The following PPM1L variants were observed in gnomAD, a reference collection of about 807,000 sequenced individuals.
PPM1L encodes the protein protein phosphatase 1L.
A neutral mutation model predicts 31.4 loss-of-function variants in PPM1L; 13 were observed. The observed-to-expected ratio is 0.41, with a 90% CI of 0.27 to 0.66. The LOEUF (loss-of-function observed/expected upper bound fraction) is 0.66. PPM1L is among the 30% of genes least tolerant of loss of function. The pLI is 0.29. For missense variants in PPM1L, 326 were observed against 453.7 expected (o/e 0.72, Z 2.56); for synonymous variants, 184 against 175.4 (o/e 1.05, Z -0.39).
chr3:161,049,077 T>TAA (rs199940685), intron 2 of PPM1L, among the ~76,000 whole-genome samples: 56 of 141,038 alleles, frequency 4.0e-4, no homozygotes, highest in Middle Eastern at 3.6e-3. Context: ...CTTAAAGTAT[T>TAA]AAAAAAAAAA....
At chr3:160,763,114 C>G (rs908057654) in intron 1 of PPM1L, among the ~76,000 whole-genome samples, 1 of 152,152 alleles carries the variant, frequency 6.6e-6, no homozygotes, top group African/African-American at 2.4e-5. Flanking sequence ...TTCCTCTATC[C>G]TCCTCCCCTT....
intron 1 of PPM1L, among the ~76,000 whole-genome samples, chr3:160,890,728 A>G (rs994568455): frequency 6.6e-6 from 1 of 152,216 alleles, no homozygotes; most frequent in African/African-American, 2.4e-5. Flanking sequence ...TTCAAATTAT[A>G]CTACAAGACT....
At chr3:160,807,402 C>T (rs1313676859) in intron 1 of PPM1L, among the ~76,000 whole-genome samples, 1 of 152,148 alleles carries the variant, frequency 6.6e-6, no homozygotes, top group Admixed American at 6.5e-5. Context: ...GCACCATTTC[C>T]TACCTTGCTA....
At chr3:160,843,760 A>G (rs2108107217) in intron 1 of PPM1L, among the ~76,000 whole-genome samples, 1 of 151,896 alleles carries the variant, frequency 6.6e-6, no homozygotes, top group East Asian at 1.9e-4. Flanking sequence ...ATACCATTTG[A>G]CCCAGTCATC....
chr3:160,785,426 C>T (rs1305506430), intron 1 of PPM1L, among the ~76,000 whole-genome samples: 1 of 152,016 alleles, frequency 6.6e-6, no homozygotes, highest in African/African-American at 2.4e-5. Flanking sequence ...TTAAAATGCT[C>T]AAACTAAACA....
At chr3:161,065,072 A>G (rs947928191) in intron 2 of PPM1L, among the ~76,000 whole-genome samples, 4 of 152,088 alleles carry the variant, frequency 2.6e-5, no homozygotes, top group African/African-American at 9.7e-5. Context: ...AAAAGTGTGT[A>G]TCAGTTGACT....
intron 1 of PPM1L, among the ~76,000 whole-genome samples, chr3:160,770,687 C>T (rs914052992): frequency 1.3e-5 from 2 of 152,162 alleles, no homozygotes; most frequent in South Asian, 2.1e-4. Flanking sequence ...CACAGGATAA[C>T]GATTCTGCAC....
chr3:161,055,072 C>A (rs577223850), intron 2 of PPM1L, among the ~76,000 whole-genome samples: 1 of 152,028 alleles, frequency 6.6e-6, no homozygotes, highest in South Asian at 2.1e-4. Context: ...ATTGATATGA[C>A]TCTGATGATG....
chr3:160,894,561 G>GT (rs1476226700), intron 1 of PPM1L, among the ~76,000 whole-genome samples: 1 of 151,918 alleles, frequency 6.6e-6, no homozygotes, highest in Non-Finnish European at 1.5e-5. Context: ...TGAGTTGTTT[G>GT]TTTTTTCAGA....
At chr3:160,972,184 T>C (rs1340840862) in intron 2 of PPM1L, among the ~76,000 whole-genome samples, 3 of 151,894 alleles carry the variant, frequency 2.0e-5, no homozygotes, top group Non-Finnish European at 4.4e-5. Flanking sequence ...GTAGAAAAAA[T>C]GATAATTCAG....
At chr3:160,834,465 A>ATGTGTG (rs1293987142) in intron 1 of PPM1L, among the ~76,000 whole-genome samples, 1 of 115,420 alleles carries the variant, frequency 8.7e-6, no homozygotes, top group Non-Finnish European at 1.7e-5. Context: ...GCATTTGTGT[A>ATGTGTG]TGTGTATGTG....
intron 2 of PPM1L, chr3:161,035,823 C>CT (rs1414947664): frequency 2.0e-5 from 3 of 152,174 alleles, no homozygotes; most frequent in Non-Finnish European, 2.9e-5. Context: ...CACATTGTTT[C>CT]TTTTTTGCAG....
intron 2 of PPM1L, among the ~76,000 whole-genome samples, chr3:160,986,232 C>T (rs950448424): frequency 2.0e-5 from 3 of 152,094 alleles, no homozygotes; most frequent in Non-Finnish European, 4.4e-5. Flanking sequence ...GTCATTAACC[C>T]ACTTTTGCTA....
At chr3:160,979,898 A>G (rs563871812) in intron 2 of PPM1L, among the ~76,000 whole-genome samples, 7 of 152,136 alleles carry the variant, frequency 4.6e-5, no homozygotes, top group Admixed American at 3.9e-4. Flanking sequence ...TAAGTCGACA[A>G]AGGAACTCAG....
intron 1 of PPM1L, among the ~76,000 whole-genome samples, chr3:160,891,101 C>A (rs545928879): frequency 9.3e-4 from 141 of 152,224 alleles, no homozygotes; most frequent in African/African-American, 3.3e-3. Flanking sequence ...AAAGTAATTG[C>A]AACAAAAGCC....
intron 1 of PPM1L, among the ~76,000 whole-genome samples, chr3:160,795,829 C>G (rs926374310): frequency 1.3e-5 from 2 of 152,198 alleles, no homozygotes; most frequent in African/African-American, 2.4e-5. Flanking sequence ...AACTTACCCC[C>G]ACTTACCTCT....
At chr3:160,981,663 CA>C in intron 2 of PPM1L, among the ~76,000 whole-genome samples, 1 of 152,010 alleles carries the variant, frequency 6.6e-6, no homozygotes, top group Admixed American at 6.5e-5. Context: ...GGGTGTATTG[CA>C]AAAATATCTA....
chr3:161,040,395 C>T (rs1238978877), intron 2 of PPM1L, among the ~76,000 whole-genome samples: 1 of 152,148 alleles, frequency 6.6e-6, no homozygotes, highest in Admixed American at 6.5e-5. Flanking sequence ...ACTGATATAA[C>T]ATGTGTACTT....
At chr3:160,861,455 C>G (rs1323226127) in intron 1 of PPM1L, among the ~76,000 whole-genome samples, 1 of 152,108 alleles carries the variant, frequency 6.6e-6, no homozygotes, top group Admixed American at 6.5e-5. Flanking sequence ...GCCAATTGCT[C>G]TTAAAGGCAT....
Sources: allele counts gnomAD v4.1 joint callset (sites outside exome capture counted in the v4.1 genomes callset), GRCh38; gene constraint gnomAD v4.1.1; transcripts MANE v1.5; gene names NCBI Gene and HGNC (gene_info 2026-07-23, HGNC 2026-07-21).